Variants in CMTM8 observed in about 807,000 individuals in gnomAD.
CMTM8 encodes CKLF like MARVEL transmembrane domain containing 8.
A neutral mutation model predicts 18.6 loss-of-function variants in CMTM8; 12 were observed. That is an observed-to-expected ratio of 0.65 (90% CI 0.41 to 1.05). The LOEUF is 1.05. Ranked by LOEUF, CMTM8 falls within the 50% of genes least tolerant of loss-of-function variation. CMTM8 has a pLI of 0.00. For missense variants in CMTM8, 217 were observed against 227.2 expected (o/e 0.95, Z 0.29); for synonymous variants, 87 against 90.6 (o/e 0.96, Z 0.23).
chr3:32,353,808 G>A (rs1251893948), intron 1 of CMTM8, among the ~76,000 whole-genome samples: 4 of 133,982 alleles, frequency 3.0e-5, no homozygotes, highest in Non-Finnish European at 3.1e-5. Context: ...TTTTTGAGAC[G>A]GAGTCTCCCT....
chr3:32,301,066 C>G (rs1217166534), intron 1 of CMTM8, among the ~76,000 whole-genome samples: 1 of 152,050 alleles, frequency 6.6e-6, no homozygotes, highest in Middle Eastern at 3.4e-3. Context: ...TAATAAATTG[C>G]AAATGATTTT....
intron 2 of CMTM8, 146 bp downstream of exon 2, chr3:32,357,692 T>A: frequency 3.0e-6 from 2 of 677,966 alleles, no homozygotes; most frequent in Non-Finnish European, 4.7e-6. Flanking sequence ...AATCTCAGCA[T>A]CATCTAATTG....
At chr3:32,318,085 G>T (rs988679675) in intron 1 of CMTM8, among the ~76,000 whole-genome samples, 3 of 148,052 alleles carry the variant, frequency 2.0e-5, no homozygotes, top group African/African-American at 7.5e-5. Flanking sequence ...AAAAGAATGC[G>T]TTCTAAGTTC....
intron 1 of CMTM8, among the ~76,000 whole-genome samples, chr3:32,321,183 G>A (rs1696042117): frequency 6.6e-6 from 1 of 152,024 alleles, no homozygotes; most frequent in East Asian, 1.9e-4. Context: ...AGCGGCGGGG[G>A]GGCCAGCATT....
intron 1 of CMTM8, among the ~76,000 whole-genome samples, chr3:32,332,495 G>A (rs776071324): frequency 2.0e-5 from 3 of 152,138 alleles, no homozygotes; most frequent in Non-Finnish European, 4.4e-5. Context: ...TTGGAGAAGG[G>A]CACAGAAGGA....
At chr3:32,331,598 C>A (rs1397732931) in intron 1 of CMTM8, among the ~76,000 whole-genome samples, 1 of 150,088 alleles carries the variant, frequency 6.7e-6, no homozygotes, top group Admixed American at 6.6e-5. Context: ...ATGTTCATTG[C>A]AGCATTATTC....
chr3:32,299,596 C>T lies in CMTM8; in HGVS notation c.148-57777C>T, dbSNP rs116738965. Among the ~76,000 whole-genome samples, 1,005 of 152,160 alleles carry T rather than the reference C, an allele frequency of 6.6e-3. 4 individuals carry two copies. The highest frequency in any genetic ancestry group is 0.014 in the Middle Eastern group (4 of 294). On this transcript the variant is annotated intron_variant, in intron 1 of 3. Transcript: ENST00000307526. The stretch of plus-strand genomic sequence containing the variant: ...CATCTTGGAAAATGAGGTATCTATT[C>T]CCTCATGCATTTATCCTTTGAGTTA...
At chr3:32,256,237 T>C (rs1422396502) in intron 1 of CMTM8, among the ~76,000 whole-genome samples, 4 of 152,090 alleles carry the variant, frequency 2.6e-5, no homozygotes, top group Non-Finnish European at 5.9e-5. Flanking sequence ...TGGATAATTT[T>C]TTTTTATTTT....
intron 1 of CMTM8, among the ~76,000 whole-genome samples, chr3:32,350,860 T>C (rs1696695502): frequency 6.6e-6 from 1 of 151,956 alleles, no homozygotes; most frequent in South Asian, 2.1e-4. Flanking sequence ...GGTTTCACCA[T>C]GTTAGCCAGG....
chr3:32,307,661 G>A (rs1414561661), intron 1 of CMTM8, among the ~76,000 whole-genome samples: 1 of 152,158 alleles, frequency 6.6e-6, no homozygotes, highest in Admixed American at 6.5e-5. Flanking sequence ...AATGGGAGGA[G>A]GTGACTGCTA....
intron 1 of CMTM8, among the ~76,000 whole-genome samples, chr3:32,344,315 C>T (rs1358506614): frequency 6.6e-6 from 1 of 152,174 alleles, no homozygotes; most frequent in Non-Finnish European, 1.5e-5. Context: ...TCAAAAGTTA[C>T]CTGTTTTCAA....
chr3:32,245,155 A>AT (rs1701992931), intron 1 of CMTM8, among the ~76,000 whole-genome samples: 1 of 152,190 alleles, frequency 6.6e-6, no homozygotes, highest in African/African-American at 2.4e-5. Context: ...AAACCTTTGC[A>AT]ATCCCATTCC....
At chr3:32,246,044 C>T (rs1274784021) in intron 1 of CMTM8, among the ~76,000 whole-genome samples, 1 of 152,196 alleles carries the variant, frequency 6.6e-6, no homozygotes, top group East Asian at 1.9e-4. Flanking sequence ...CCTCGAACTC[C>T]TGGCCTCAGG....
At chr3:32,321,930 G>A (rs1696062603) in intron 1 of CMTM8, among the ~76,000 whole-genome samples, 1 of 152,220 alleles carries the variant, frequency 6.6e-6, no homozygotes, top group Non-Finnish European at 1.5e-5. Context: ...TTCAAACACA[G>A]CCATGCCCAT....
intron 1 of CMTM8, among the ~76,000 whole-genome samples, chr3:32,258,179 C>T (rs948353070): frequency 8.5e-5 from 13 of 152,106 alleles, no homozygotes; most frequent in Non-Finnish European, 1.6e-4. Flanking sequence ...AGTAGGTCCT[C>T]TATTTTCTGC....
At chr3:32,296,319 A>C (rs981842269) in intron 1 of CMTM8, among the ~76,000 whole-genome samples, 1 of 151,904 alleles carries the variant, frequency 6.6e-6, no homozygotes, top group Non-Finnish European at 1.5e-5. Flanking sequence ...ACTTGTCTGA[A>C]TCTCCCTAAT....
chr3:32,292,274 C>T (rs753664172), intron 1 of CMTM8, among the ~76,000 whole-genome samples: 59 of 152,084 alleles, frequency 3.9e-4, no homozygotes, highest in Non-Finnish European at 7.2e-4. Context: ...GAGGAGATTG[C>T]GAAATTGGAG....
At chr3:32,297,248 G>A (rs1371680427) in intron 1 of CMTM8, among the ~76,000 whole-genome samples, 2 of 151,878 alleles carry the variant, frequency 1.3e-5, no homozygotes, top group Non-Finnish European at 2.9e-5. Flanking sequence ...GTACAATCTC[G>A]GCTCACTGCA....
Position 32,267,734 on chromosome 3 carries a change from G to T in CMTM8, c.147+28615G>T, listed in dbSNP as rs543940028. Among the ~76,000 whole-genome samples, 215 of 152,068 alleles carry T rather than the reference G, an allele frequency of 1.4e-3. 2 individuals are homozygous for T. The highest frequency in any genetic ancestry group is 4.8e-3 in the African/African-American group (199 of 41,486). ...AAGGGCTAATATCCAGAATCTACAAGGAACTCAAACAAATTTACAAGAAAA... is the reference window on the plus strand; with the variant it reads ...AAGGGCTAATATCCAGAATCTACAATGAACTCAAACAAATTTACAAGAAAA... On this transcript the variant is annotated intron_variant, in intron 1 of 3. Transcript: ENST00000307526.
Sources: allele counts gnomAD v4.1 joint callset (sites outside exome capture counted in the v4.1 genomes callset), GRCh38; gene constraint gnomAD v4.1.1; transcripts MANE v1.5; gene names NCBI Gene and HGNC (gene_info 2026-07-23, HGNC 2026-07-21).